The following CMTM8 variants were observed in gnomAD, a reference collection of about 807,000 sequenced individuals.
The protein encoded by CMTM8 is CKLF-like MARVEL transmembrane domain-containing protein 8.
In CMTM8, 12 loss-of-function variants were observed where a neutral mutation model predicts 18.6. That is an observed-to-expected ratio of 0.65 (90% CI 0.41 to 1.05). The LOEUF is 1.05. CMTM8 is among the 50% of genes least tolerant of loss of function. The pLI is 0.00. For missense variants in CMTM8, 217 were observed against 227.2 expected (o/e 0.95, Z 0.29); for synonymous variants, 87 against 90.6 (o/e 0.96, Z 0.23).
At chr3:32,292,516 T>C (rs11914777) in intron 1 of CMTM8, among the ~76,000 whole-genome samples, 100,945 of 152,090 alleles carry the variant, frequency 0.66, 33,911 homozygotes, top group East Asian at 0.78. Context: ...TGAAAAGCTG[T>C]GCACAGAAAT....
intron 2 of CMTM8, among the ~76,000 whole-genome samples, chr3:32,362,452 C>T (rs1303525187): frequency 6.6e-6 from 1 of 152,124 alleles, no homozygotes; most frequent in Non-Finnish European, 1.5e-5. Context: ...AGATAGAATG[C>T]ATTATTTCCA....
intron 1 of CMTM8, among the ~76,000 whole-genome samples, chr3:32,282,274 A>G (rs973414809): frequency 3.3e-5 from 5 of 152,236 alleles, no homozygotes; most frequent in Non-Finnish European, 5.9e-5. Context: ...AATTTTAAAG[A>G]AAAAGGAATA....
rs189057006 is a variant in CMTM8 at position 32,362,110 on chromosome 3, G to A, written c.321+4564G>A. ...GGCTGGAGTATAGTGGTGCAATCTC[G>A]GCTCACTACACCCTCCGCCTCCCGG... On this transcript the variant is annotated intron_variant, in intron 2 of 3. Coordinates refer to ENST00000307526, the MANE Select transcript of CMTM8 (RefSeq NM_178868.5). Among the ~76,000 whole-genome samples the A allele has an allele frequency of 2.6e-3, 349 of 134,992 alleles. 3 individuals carry two copies. The highest frequency in any genetic ancestry group is 9.6e-3 in the African/African-American group (346 of 36,110). 88.6% of individuals were successfully genotyped at this position (134,992 alleles called of 152,430 possible). A position where few individuals can be genotyped will look rare whatever the true frequency, so the allele number is the denominator to read the frequency against.
At chr3:32,306,490 G>A (rs1276171097) in intron 1 of CMTM8, among the ~76,000 whole-genome samples, 1 of 152,204 alleles carries the variant, frequency 6.6e-6, no homozygotes, top group African/African-American at 2.4e-5. Context: ...TGATTAGTCA[G>A]AGTATGCATC....
chr3:32,253,926 G>T (rs777228106), intron 1 of CMTM8, among the ~76,000 whole-genome samples: 1 of 150,962 alleles, frequency 6.6e-6, no homozygotes, highest in Non-Finnish European at 1.5e-5. Flanking sequence ...GGAGTTTCAC[G>T]CTTGTTGCCC....
intron 1 of CMTM8, among the ~76,000 whole-genome samples, chr3:32,275,120 T>G (rs576257943): frequency 1.3e-5 from 2 of 151,892 alleles, no homozygotes; most frequent in East Asian, 3.9e-4. Context: ...TCCTCCCACC[T>G]CAGCCTCCCA....
chr3:32,367,189 G>T (rs1337709914), intron 2 of CMTM8, among the ~76,000 whole-genome samples: 1 of 152,100 alleles, frequency 6.6e-6, no homozygotes, highest in Non-Finnish European at 1.5e-5. Context: ...GCAGGACCCA[G>T]CTTTGCATGG....
intron 1 of CMTM8, among the ~76,000 whole-genome samples, chr3:32,307,385 TG>T (rs1237965106): frequency 6.6e-6 from 1 of 152,020 alleles, no homozygotes; most frequent in Non-Finnish European, 1.5e-5. Context: ...GGTGGCTGAC[TG>T]GATGAGGGAA....
intron 1 of CMTM8, among the ~76,000 whole-genome samples, chr3:32,330,197 ATT>A (rs57467295): frequency 0.31 from 38,965 of 125,070 alleles, 5,215 homozygotes; most frequent in Middle Eastern, 0.35. Flanking sequence ...TCCCAGTGGC[ATT>A]TTTTTTTTTT....
intron 1 of CMTM8, among the ~76,000 whole-genome samples, chr3:32,241,235 CT>C (rs539344114): frequency 9.6e-4 from 146 of 152,282 alleles, no homozygotes; most frequent in South Asian, 5.8e-3. Flanking sequence ...TATCCATTGC[CT>C]TTCTACTCTG....
chr3:32,353,273 C>T (rs555592854), intron 1 of CMTM8, among the ~76,000 whole-genome samples: 18 of 152,292 alleles, frequency 1.2e-4, no homozygotes, highest in Non-Finnish European at 2.5e-4. Flanking sequence ...GGATTATAGG[C>T]GTGAGCAGCT....
At chr3:32,255,823 T>G (rs1422691919) in intron 1 of CMTM8, among the ~76,000 whole-genome samples, 1 of 152,060 alleles carries the variant, frequency 6.6e-6, no homozygotes, top group Non-Finnish European at 1.5e-5. Context: ...ATCCACAGGC[T>G]CAGGTGATCC....
intron 1 of CMTM8, among the ~76,000 whole-genome samples, chr3:32,332,471 G>A (rs1313341861): frequency 6.6e-6 from 1 of 152,106 alleles, no homozygotes; most frequent in African/African-American, 2.4e-5. Flanking sequence ...GTCAGGAGGT[G>A]AGGGGTGGGG....
At chr3:32,241,394 A>G (rs1478982879) in intron 1 of CMTM8, among the ~76,000 whole-genome samples, 2 of 152,210 alleles carry the variant, frequency 1.3e-5, no homozygotes, top group African/African-American at 4.8e-5. Context: ...GTATGCATTC[A>G]GTAGAAATCA....
chr3:32,312,298 A>G (rs750146777), intron 1 of CMTM8, among the ~76,000 whole-genome samples: 1 of 152,104 alleles, frequency 6.6e-6, no homozygotes, highest in Non-Finnish European at 1.5e-5. Flanking sequence ...CCTCAGATAA[A>G]AAGTTTCTTT....
intron 1 of CMTM8, among the ~76,000 whole-genome samples, chr3:32,265,465 G>A (rs1702324594): frequency 6.6e-6 from 1 of 152,138 alleles, no homozygotes; most frequent in South Asian, 2.1e-4. Flanking sequence ...TGTGTAGAGG[G>A]AAATTTATAG....
At chr3:32,268,737 A>G (rs893888843) in intron 1 of CMTM8, among the ~76,000 whole-genome samples, 2 of 152,150 alleles carry the variant, frequency 1.3e-5, no homozygotes, top group African/African-American at 4.8e-5. Flanking sequence ...CCATTGATTT[A>G]TGTTCCTATA....
At chr3:32,329,016 G>T (rs1459040507) in intron 1 of CMTM8, among the ~76,000 whole-genome samples, 1 of 152,048 alleles carries the variant, frequency 6.6e-6, no homozygotes, top group Non-Finnish European at 1.5e-5. Context: ...ATGAGATAAA[G>T]ATACTGTAAG....
In CMTM8 at chr3:32,366,946, T is replaced by TA. The variant is rs138964982; in HGVS notation, c.322-925dup. Among the ~76,000 whole-genome samples the TA allele has an allele frequency of 8.8e-4, 134 of 152,288 alleles. 1 individual carries two copies. Among genetic ancestry groups the TA allele is most frequent in the African/African-American group, 3.2e-3 (131 of 41,566 alleles). On this transcript the variant is annotated intron_variant, in intron 2 of 3. Transcript: ENST00000307526. ...ACAGGTGGAGGTGGCGACAGGAACA[T>TA]ACAACCTCTGCCACAAGGCCAGGGC...
Sources: allele counts gnomAD v4.1 joint callset (sites outside exome capture counted in the v4.1 genomes callset), GRCh38; gene constraint gnomAD v4.1.1; transcripts MANE v1.5; gene names NCBI Gene and HGNC (gene_info 2026-07-23, HGNC 2026-07-21).